The following TRIM46 variants were observed in gnomAD, a reference collection of about 807,000 sequenced individuals.
TRIM46 encodes tripartite motif-containing protein 46.
Under a neutral mutation model 69.7 loss-of-function variants are expected in TRIM46, and 17 were observed. The ratio of observed to expected loss-of-function variants is 0.24; its 90% confidence interval spans 0.17 to 0.37. The LOEUF (loss-of-function observed/expected upper bound fraction) is 0.37. Ranked by LOEUF, TRIM46 falls within the 10% of genes least tolerant of loss-of-function variation. The pLI is 1.00. For missense variants in TRIM46, 675 were observed against 1,025.1 expected, an observed-to-expected ratio of 0.66 and a Z score of 4.66; for synonymous variants, 391 against 429.0, an observed-to-expected ratio of 0.91 and a Z score of 1.09.
chr1:155,177,628 T>C (rs1031456539), intron 5 of TRIM46, among the ~76,000 whole-genome samples: 16 of 152,222 alleles, frequency 1.1e-4, no homozygotes, highest in African/African-American at 3.6e-4. Flanking sequence ...GACTGATACC[T>C]TCTGCCAGGT....
chr1:155,175,079 G>T lies in TRIM46; in HGVS notation c.64-307G>T, dbSNP rs1378099520. 9 of 1,362,294 alleles carry T rather than the reference G, an allele frequency of 6.6e-6. No individual in the cohort carries two copies. The East Asian group carries it at 2.6e-4, about 40-fold the overall frequency. 84.4% of individuals were successfully genotyped at this position (1,362,294 alleles called of 1,614,324 possible). A position where few individuals can be genotyped will look rare whatever the true frequency, so the allele number is the denominator to read the frequency against. On this transcript the variant is annotated intron_variant, in intron 1 of 9. Coordinates refer to ENST00000334634, the MANE Select transcript of TRIM46 (RefSeq NM_025058.5). The surrounding 1 kb of genome is among the most constrained non-coding windows in gnomAD (Gnocchi z 4.2). ...AGCTGCCCAGAGATGGGGGATGGAG[G>T]CAGGTGAGGGGGCTGCCAGCTGGGG... is the stretch of plus-strand genomic sequence containing the variant.
Position 155,178,130 on chromosome 1 carries a change from C to T in TRIM46, c.1038C>T (p.Leu346=). 6.2e-7 allele frequency: 1 copy of T among 1,614,142 alleles called. No homozygotes were observed. The highest frequency in any genetic ancestry group is 8.5e-7 in the Non-Finnish European group (1 of 1,180,010). Residue 346 remains leucine, a synonymous_variant, in exon 6 of 10, where the codon CTC becomes CTT. Transcript: ENST00000334634. ...EECQQERLAR[L]SAQIQEHRSL... ...GCCAGCAGGAGCGGCTGGCCCGTCT[C>T]AGCGCCCAGATCCAGGAGCACCGGA...
chr1:155,183,778 C>CCAA lies in TRIM46; in HGVS notation c.1887-16_1887-14dup. 1 of 1,597,968 alleles carries CCAA rather than the reference C, an allele frequency of 6.3e-7. No homozygotes were observed. Among genetic ancestry groups the CCAA allele is most frequent in the Non-Finnish European group, 8.5e-7 (1 of 1,179,510 alleles). ...ACTCCATCCCTCAACAATCTCGTCC[C>CCAA]CAACACCCGCTTCTGCAGGTACGAC... On this transcript the variant is annotated intron_variant, in intron 9 of 9. Transcript: ENST00000334634.
chr1:155,183,139 T>C (rs1666306049), intron 9 of TRIM46, among the ~76,000 whole-genome samples: 1 of 151,966 alleles, frequency 6.6e-6, no homozygotes, highest in Non-Finnish European at 1.5e-5. Context: ...CTCAATCTCC[T>C]GACCTCGTGA....
At chr1:155,178,311 T>C (rs1455518872) in intron 6 of TRIM46, 56 bp downstream of exon 6, 1 of 1,561,918 alleles carries the variant, frequency 6.4e-7, no homozygotes, top group Non-Finnish European at 8.7e-7. Flanking sequence ...GTGACCAACA[T>C]CTAGGACAAT....
intron 7 of TRIM46, chr1:155,178,856 CGGCCCTGCCCCGGG>C (rs1487102364): frequency 3.5e-6 from 5 of 1,434,044 alleles, no homozygotes; most frequent in Non-Finnish European, 4.6e-6. Flanking sequence ...GGCAAGTCAG[CGGCCCTGCCCCGGG>C]GGCCCTGCCC....
At chr1:155,179,977 A>G (rs768825591) in intron 8 of TRIM46, 43 bp downstream of exon 8, 1 of 1,537,078 alleles carries the variant, frequency 6.5e-7, no homozygotes, top group South Asian at 1.3e-5. Flanking sequence ...GGCATGGGGT[A>G]TGCCAGGGCC....
rs574664719 is a variant in TRIM46 at position 155,175,935 on chromosome 1, G to A, written c.373G>A (p.Val125Met). The change falls in exon 3 of 10, where the codon GTG becomes ATG. Residue 125 changes from valine (V) to methionine (M), a missense_variant. By Grantham distance (21) the Val-to-Met change is conservative. Coordinates refer to ENST00000334634, the MANE Select transcript of TRIM46 (RefSeq NM_025058.5). This position sits in a 1 kb window ranked among gnomAD's most constrained non-coding sequence, Gnocchi z 4.2. ...GAAGCGAGGTGCTTTGCACCCCCAA[G>A]TGATCATGTTCCCGTGCCCAGCCTG... Reference protein sequence around the residue: ...GRKRGALHPQVIMFPCPACQG... With the variant: ...GRKRGALHPQMIMFPCPACQG... The A allele has an allele frequency of 6.2e-7, 1 of 1,602,412 alleles. No homozygotes were observed. The highest frequency in any genetic ancestry group is 1.3e-5 in the African/African-American group (1 of 74,918).
At chr1:155,176,830 C>T (rs1433965776) in intron 3 of TRIM46, 102 bp from the exon 4 acceptor site, 4 of 1,430,520 alleles carry the variant, frequency 2.8e-6, no homozygotes, top group South Asian at 1.3e-5. Context: ...TGTCTCCACT[C>T]CCATCTTGCC....
intron 1 of TRIM46, chr1:155,174,751 G>A: frequency 6.8e-7 from 1 of 1,460,164 alleles, no homozygotes; most frequent in African/African-American, 1.4e-5. Flanking sequence ...TGATTCCCCC[G>A]CTAGTTCGGA....
In TRIM46 at chr1:155,180,647, A is replaced by G. The variant is rs144004390; in HGVS notation, c.1588+713A>G. On this transcript the variant is annotated intron_variant, in intron 8 of 9. Coordinates refer to ENST00000334634, the MANE Select transcript of TRIM46 (RefSeq NM_025058.5). The stretch of plus-strand genomic sequence containing the variant: ...AAATAAAGGCCAGGCAAGGTGGCTC[A>G]CACCTGTAATCCCAGCACTTTGGGA... The G allele has an allele frequency of 8.4e-3, 1,486 of 176,666 alleles. 26 individuals carry two copies. The highest frequency in any genetic ancestry group is 0.034 in the African/African-American group (1,420 of 41,992). 10.9% of individuals were successfully genotyped at this position (176,666 alleles called of 1,614,324 possible).
At chr1:155,178,739 T>TTGGGCCCCCCCCCCCCCCCC in intron 7 of TRIM46, 126 bp downstream of exon 7, 69 of 1,348,404 alleles carry the variant, frequency 5.1e-5, no homozygotes, top group Non-Finnish European at 6.1e-5. Flanking sequence ...CAGCCATTCC[T>TTGGGCCCCCCCCCCCCCCCC]CCCACCCAGC....
chr1:155,173,965 C>T lies in TRIM46; in HGVS notation c.-2C>T, dbSNP rs1386223337. On this transcript the variant is annotated 5_prime_UTR_variant, in exon 1 of 10. Coordinates refer to ENST00000334634, the MANE Select transcript of TRIM46 (RefSeq NM_025058.5). ...CCAGGGGCGGGCGGGCACGGTAGGG[C>T]CATGGCAGAGGGTGAGGATATGCAG... The T allele has an allele frequency of 6.4e-7, 1 of 1,573,980 alleles. No homozygotes were observed. Among genetic ancestry groups the T allele is most frequent in the Non-Finnish European group, 8.6e-7 (1 of 1,160,830 alleles).
At chr1:155,176,287 G>T in intron 3 of TRIM46, 56 bp downstream of exon 3, 1 of 1,496,560 alleles carries the variant, frequency 6.7e-7, no homozygotes, top group Non-Finnish European at 9.0e-7. Context: ...GCAGGTGGGT[G>T]GGGGTGCCTG....
At position 155,175,927 on chromosome 1, in the gene TRIM46, AC is replaced by A; in HGVS notation, c.370del (p.Gln124LysfsTer2). On this transcript the variant is annotated frameshift_variant, in exon 3 of 10. Transcript: ENST00000334634. LOFTEE classifies it high-confidence loss of function. The surrounding 1 kb of genome is among the most constrained non-coding windows in gnomAD (Gnocchi z 4.2). ...TYPGRKRGAL[H>X]PQVIMFPCPA... is the part of the protein sequence containing the mutation. ...CCTGGGAGGAAGCGAGGTGCTTTGCACCCCCAAGTGATCATGTTCCCGTGCC... is the reference window on the plus strand; with the variant it reads ...CCTGGGAGGAAGCGAGGTGCTTTGCACCCCAAGTGATCATGTTCCCGTGCC... 1 of 1,597,244 alleles carries A rather than the reference AC, an allele frequency of 6.3e-7. No homozygotes were observed. Among genetic ancestry groups the A allele is most frequent in the South Asian group, 1.1e-5 (1 of 88,674 alleles).
intron 9 of TRIM46, chr1:155,182,417 A>G (rs1359063850): frequency 3.5e-6 from 2 of 572,368 alleles, no homozygotes; most frequent in African/African-American, 1.9e-5. Context: ...CTTCCTTCCA[A>G]CCATCTGTCA....
chr1:155,177,333 G>A (rs1380788908), intron 5 of TRIM46, 43 bp downstream of exon 5: 1 of 1,527,344 alleles, frequency 6.5e-7, no homozygotes. Flanking sequence ...CTGCCTGGGA[G>A]TAGGGGCAGG....
chr1:155,174,533 G>A (rs1665453746), intron 1 of TRIM46: 2 of 1,463,528 alleles, frequency 1.4e-6, no homozygotes, highest in East Asian at 2.5e-5. Context: ...TCTCCCAGGG[G>A]CGGTGCCAAC....
At chr1:155,179,485 C>T in intron 7 of TRIM46, 147 bp from the exon 8 acceptor site, 1 of 694,482 alleles carries the variant, frequency 1.4e-6, no homozygotes. Flanking sequence ...CTCCTGTGCC[C>T]AGTTCCCAGA....
Sources: gnomAD v4.1 joint callset for allele counts (sites outside exome capture counted in the v4.1 genomes callset) on GRCh38, gnomAD v4.1.1 for gene constraint, Gnocchi (gnomAD v3.1) non-coding constraint, MANE v1.5 for transcripts, NCBI Gene and HGNC (gene_info 2026-07-23, HGNC 2026-07-21) for gene names.